Variants in TFAP2E observed in about 807,000 individuals in gnomAD.
TFAP2E encodes the protein transcription factor AP-2-epsilon.
Under a neutral mutation model 37.9 loss-of-function variants are expected in TFAP2E, and 30 were observed. The observed-to-expected ratio is 0.79, with a 90% CI of 0.59 to 1.07. The LOEUF is 1.07. Ranked by LOEUF, TFAP2E falls within the 50% of genes least tolerant of loss-of-function variation. The pLI, the probability that TFAP2E is intolerant of heterozygous loss-of-function variation, is 0.00. For missense variants in TFAP2E, 567 were observed against 637.9 expected, an observed-to-expected ratio of 0.89 and a Z score of 1.20; for synonymous variants, 318 against 295.8, an observed-to-expected ratio of 1.08 and a Z score of -0.77.
Position 35,588,393 on chromosome 1 carries a change from G to A in TFAP2E, c.626G>A (p.Gly209Asp). The A allele has an allele frequency of 2.5e-6, 4 of 1,613,430 alleles. No homozygotes were observed. The highest frequency in any genetic ancestry group is 3.4e-6 in the Non-Finnish European group (4 of 1,179,986). Residue 209 changes from glycine (G) to aspartate (D), a missense_variant, in exon 4 of 7, where the codon GGC (glycine) becomes GAC (aspartate). Physicochemically the swap from Gly to Asp is moderately conservative, Grantham distance 94. Around this residue, in one of 3 missense-constraint regions of TFAP2E, gnomAD observed 3 missense variants for 17.9 expected, o/e 0.17. Transcript: ENST00000373235. This position sits in a 1 kb window ranked among gnomAD's most constrained non-coding sequence, Gnocchi z 5.1. Reference protein sequence around the residue: ...ALSLAKDSLVGGITNPGEVFC... With the variant: ...ALSLAKDSLVDGITNPGEVFC... Reference sequence around the variant, plus strand: ...TCCTTGGCCAAAGACAGCCTGGTGGGCGGCATCACAAATCCTGGTGAGGTC... The same window carrying A: ...TCCTTGGCCAAAGACAGCCTGGTGGACGGCATCACAAATCCTGGTGAGGTC...
At chr1:35,579,999 G>A (rs1352281730) in intron 3 of TFAP2E, among the ~76,000 whole-genome samples, 1 of 152,084 alleles carries the variant, frequency 6.6e-6, no homozygotes, top group Non-Finnish European at 1.5e-5. Context: ...CTGAGGTCAG[G>A]AGATTGAGAC....
intron 2 of TFAP2E, chr1:35,574,718 A>G: frequency 3.1e-6 from 2 of 646,850 alleles, no homozygotes; most frequent in South Asian, 3.9e-5. Flanking sequence ...AGAGAAGCAT[A>G]ATAGTTACCA....
rs1444688725 is a variant in TFAP2E at position 35,590,836 on chromosome 1, T to G, written c.1046+61T>G. On this transcript the variant is annotated intron_variant, in intron 6 of 6. Coordinates refer to ENST00000373235, the MANE Select transcript of TFAP2E (RefSeq NM_178548.4). The surrounding 1 kb of genome is among the most constrained non-coding windows in gnomAD (Gnocchi z 6.2). ...GCCATGCACAGACAGACATCATGTA[T>G]GGGCACAATGGACACCACTGTGTAC... 2 of 1,339,634 alleles carry G rather than the reference T, an allele frequency of 1.5e-6. No homozygotes were observed. Among genetic ancestry groups the G allele is most frequent in the East Asian group, 5.5e-5 (2 of 36,098 alleles). The allele number at this position is 1,339,634 out of a possible 1,614,324, so 83.0% of individuals were successfully genotyped here. A position where few individuals can be genotyped will look rare whatever the true frequency, so the allele number is the denominator to read the frequency against.
intron 3 of TFAP2E, among the ~76,000 whole-genome samples, chr1:35,576,033 G>T (rs1374680473): frequency 1.3e-5 from 2 of 152,220 alleles, no homozygotes; most frequent in Non-Finnish European, 2.9e-5. Flanking sequence ...GTGCCCGAAA[G>T]AATTCAGAGG....
At chr1:35,584,683 A>G (rs7416348) in intron 3 of TFAP2E, among the ~76,000 whole-genome samples, 36,245 of 151,750 alleles carry the variant, frequency 0.24, 8,944 homozygotes, top group East Asian at 0.77. Flanking sequence ...GACTGCAGGC[A>G]TGTGCAATCA....
chr1:35,586,977 C>G (rs13374815), intron 3 of TFAP2E, among the ~76,000 whole-genome samples: 1 of 152,216 alleles, frequency 6.6e-6, no homozygotes, highest in African/African-American at 2.4e-5. Flanking sequence ...GCTGTGTGAT[C>G]TCAGGCATAT....
rs1365178299 is a variant in TFAP2E, at chr1:35,573,714, C to G, written c.27+110C>G. On this transcript the variant is annotated intron_variant, in intron 1 of 6. Transcript: ENST00000373235. This position sits in a 1 kb window ranked among gnomAD's most constrained non-coding sequence, Gnocchi z 5.9. ...TAACGAAATCTCGGAGGGAGGGGGC[C>G]GCAGGGACTTCGCCAGCTGAGAACG... is the stretch of plus-strand genomic sequence containing the variant. The G allele has an allele frequency of 2.0e-6, 3 of 1,475,416 alleles. No homozygotes were observed. Among genetic ancestry groups the G allele is most frequent in the Non-Finnish European group, 2.7e-6 (3 of 1,105,274 alleles). The allele number at this position is 1,475,416 out of a possible 1,614,324, so 91.4% of individuals were successfully genotyped here. A position where few individuals can be genotyped will look rare whatever the true frequency, so the allele number is the denominator to read the frequency against.
Position 35,588,705 on chromosome 1 carries a change from G to T in TFAP2E, c.785+153G>T, listed in dbSNP as rs1557437859. On this transcript the variant is annotated intron_variant, in intron 4 of 6. Transcript: ENST00000373235. This position sits in a 1 kb window ranked among gnomAD's most constrained non-coding sequence, Gnocchi z 5.1. ...CCGGGGACTCTGGATTGTGCATGTTGTGGGGGCCGGCCCAGGTCCCTGGTG... is the reference window on the plus strand; with the variant it reads ...CCGGGGACTCTGGATTGTGCATGTTTTGGGGGCCGGCCCAGGTCCCTGGTG... Among the ~76,000 whole-genome samples, 3 of 152,204 alleles carry T rather than the reference G, an allele frequency of 2.0e-5. No homozygotes were observed. Among genetic ancestry groups the T allele is most frequent in the Admixed American group, 6.5e-5 (1 of 15,288 alleles).
chr1:35,589,988 A>C lies in TFAP2E; in HGVS notation c.844A>C (p.Asn282His). The change falls in exon 5 of 7, where the codon AAC becomes CAC. Residue 282 changes from asparagine (N) to histidine (H), a missense_variant. Asn to His is a moderately conservative substitution (Grantham distance 68). Around this residue, in one of 3 missense-constraint regions of TFAP2E, gnomAD observed 252 missense variants for 302.6 expected, o/e 0.83. Coordinates refer to ENST00000373235, the MANE Select transcript of TFAP2E (RefSeq NM_178548.4). ...GGAACGGTTAGAGAAGATTGGGCTC[A>C]ACCTGCCAGCTGGCCGTCGCAAGGC... is the stretch of plus-strand genomic sequence containing the variant. ...LRERLEKIGL[N>H]LPAGRRKAAN... is the part of the protein sequence containing the mutation. 4 of 1,614,148 alleles carry C rather than the reference A, an allele frequency of 2.5e-6. No individual in the cohort carries two copies. The South Asian group carries it at 3.3e-5, about 13-fold the overall frequency.
intron 3 of TFAP2E, among the ~76,000 whole-genome samples, chr1:35,587,739 G>C (rs1649526591): frequency 6.6e-6 from 1 of 152,094 alleles, no homozygotes. Flanking sequence ...TGTTTGGGGA[G>C]GGGGTATAGG....
chr1:35,594,216 A>G (rs1649764369), intron 6 of TFAP2E, among the ~76,000 whole-genome samples, 178 bp from the exon 7 acceptor site: 1 of 152,226 alleles, frequency 6.6e-6, no homozygotes, highest in Admixed American at 6.5e-5. Context: ...GGCTAGTCAA[A>G]TGACTTCTCT....
At chr1:35,589,888 G>A (rs1312894954) in intron 4 of TFAP2E, 42 bp from the exon 5 acceptor site, 6 of 1,604,964 alleles carry the variant, frequency 3.7e-6, no homozygotes, top group Admixed American at 1.7e-5. Flanking sequence ...CGTTTCTCTT[G>A]TCTTCATAGT....
chr1:35,583,433 A>G (rs1286055851), intron 3 of TFAP2E, among the ~76,000 whole-genome samples: 1 of 152,148 alleles, frequency 6.6e-6, no homozygotes, highest in African/African-American at 2.4e-5. Flanking sequence ...GTAAGCCAGG[A>G]CGCCTGGCCT....
chr1:35,584,170 T>C (rs187777580), intron 3 of TFAP2E, among the ~76,000 whole-genome samples: 1 of 152,310 alleles, frequency 6.6e-6, no homozygotes, highest in African/African-American at 2.4e-5. Flanking sequence ...GGTGCAATCA[T>C]AGCTCACTGC....
chr1:35,583,889 G>A lies in TFAP2E; in HGVS notation c.563-4441G>A, dbSNP rs531719869. ...TCTGAGAAAAAAAGGGACAGGTGGG[G>A]GAAGCAGCAAGGTCAGTCACTCATA... On this transcript the variant is annotated intron_variant, in intron 3 of 6. Coordinates refer to ENST00000373235, the MANE Select transcript of TFAP2E (RefSeq NM_178548.4). 1.1e-3 allele frequency among the ~76,000 whole-genome samples: 168 copies of A among 152,274 alleles called. 3 individuals carry two copies. In the South Asian group the frequency reaches 0.034, roughly 30 times the overall value.
intron 4 of TFAP2E, among the ~76,000 whole-genome samples, chr1:35,589,649 C>T (rs893234374): frequency 1.3e-5 from 2 of 151,880 alleles, no homozygotes; most frequent in Non-Finnish European, 1.5e-5. Flanking sequence ...GTGCTAAGGT[C>T]CCCAGGATGC....
intron 3 of TFAP2E, 103 bp downstream of exon 3, chr1:35,575,103 TG>T: frequency 6.9e-7 from 1 of 1,454,310 alleles, no homozygotes; most frequent in Non-Finnish European, 9.6e-7. Flanking sequence ...GTCGCCAGGC[TG>T]GGTGTCCACC....
chr1:35,584,061 C>T lies in TFAP2E; in HGVS notation c.563-4269C>T, dbSNP rs1571103690. Among the ~76,000 whole-genome samples, 8 of 152,302 alleles carry T rather than the reference C, an allele frequency of 5.3e-5. 1 individual carries two copies. Among genetic ancestry groups the T allele is most frequent in the Admixed American group, 2.0e-4 (3 of 15,288 alleles). On this transcript the variant is annotated intron_variant, in intron 3 of 6. Transcript: ENST00000373235. ...TCCATACTCCAGCTCATCCTCATTG[C>T]TGTATTTATCACAAGGGCATACAGT... is the stretch of plus-strand genomic sequence containing the variant.
chr1:35,574,470 G>A, intron 2 of TFAP2E, 61 bp downstream of exon 2: 2 of 1,354,614 alleles, frequency 1.5e-6, no homozygotes, highest in Non-Finnish European at 1.9e-6. Flanking sequence ...TACCATGGCT[G>A]GAGGCAGAAG....
Sources: allele counts gnomAD v4.1 joint callset (sites outside exome capture counted in the v4.1 genomes callset), GRCh38; gene constraint gnomAD v4.1.1; regional missense constraint gnomAD v4.1.1; non-coding constraint Gnocchi (gnomAD v3.1); transcripts MANE v1.5; gene names NCBI Gene and HGNC (gene_info 2026-07-23, HGNC 2026-07-21).